The following CES3 variants were observed in gnomAD, a reference collection of about 807,000 sequenced individuals.
The protein encoded by CES3 is carboxylesterase 3 (brain).
In CES3, 49 loss-of-function variants were observed where a neutral mutation model predicts 57.6. The observed-to-expected ratio is 0.85, with a 90% CI of 0.68 to 1.08. The LOEUF (loss-of-function observed/expected upper bound fraction) is 1.08. Ranked by LOEUF, CES3 falls within the 50% of genes least tolerant of loss-of-function variation. The pLI is 0.00. For missense variants in CES3, 645 were observed against 742.0 expected, an observed-to-expected ratio of 0.87 and a Z score of 1.52; for synonymous variants, 266 against 281.6, an observed-to-expected ratio of 0.94 and a Z score of 0.55.
At chr16:66,971,370 G>C (rs1224168902) in intron 10 of CES3, 51 bp downstream of exon 10, 3 of 1,584,640 alleles carry the variant, frequency 1.9e-6, no homozygotes, top group Admixed American at 1.7e-5. Context: ...GGGCCCAGGA[G>C]CTGGGTCATC....
At chr16:66,961,850 C>T (rs2145528042) in intron 1 of CES3, among the ~76,000 whole-genome samples, 1 of 152,250 alleles carries the variant, frequency 6.6e-6, no homozygotes, top group South Asian at 2.1e-4. Context: ...AGGCGTGAGC[C>T]ACCGCACCTG....
chr16:66,971,464 C>A, intron 10 of CES3, 145 bp downstream of exon 10: 1 of 759,616 alleles, frequency 1.3e-6, no homozygotes, highest in Non-Finnish European at 2.1e-6. Flanking sequence ...ACCTATCTTT[C>A]TCTGGGATGC....
chr16:66,973,153 C>A lies in CES3; in HGVS notation c.*104C>A. ...CCCCCTGCTGAGACTTTAATCTCCA[C>A]CAGCCCTTAAAGTGTCGGCCGCTCT... On this transcript the variant is annotated 3_prime_UTR_variant, in exon 13 of 13. Coordinates refer to ENST00000303334, the MANE Select transcript of CES3 (RefSeq NM_024922.6). 1 of 1,049,126 alleles carries A rather than the reference C, an allele frequency of 9.5e-7. No homozygotes were observed. Among genetic ancestry groups the A allele is most frequent in the Non-Finnish European group, 1.4e-6 (1 of 722,276 alleles). 65.0% of individuals were successfully genotyped at this position (1,049,126 alleles called of 1,614,324 possible).
Position 66,963,549 on chromosome 16 carries a change from C to T in CES3, c.346C>T (p.Gln116Ter). 1 of 1,614,198 alleles carries T rather than the reference C, an allele frequency of 6.2e-7. No individual in the cohort carries two copies. Among genetic ancestry groups the T allele is most frequent in the Non-Finnish European group, 8.5e-7 (1 of 1,180,030 alleles). ...CAGATTTGTCCTCAACGGAAAACAG[C>T]AGATCTTCTCCGTTTCAGAGGACTG... ...SSRFVLNGKQQIFSVSEDCLV... is the reference protein window; with the variant it reads ...SSRFVLNGKQ The change falls in exon 3 of 13, where the codon CAG becomes TAG. Residue 116 changes from glutamine (Q) to a stop codon, truncating the protein, a stop_gained. Transcript: ENST00000303334. LOFTEE classifies it high-confidence loss of function. The surrounding 1 kb of genome is among the most constrained non-coding windows in gnomAD (Gnocchi z 4.9).
At position 66,963,781 on chromosome 16, in the gene CES3, G is replaced by T; in HGVS notation, c.427-21G>T. ...AGGTCTCAGGAGCTTGGGGGTCAGTGCCCCATGGCCACCTCTGCAGGTCAT... is the reference window on the plus strand; with the variant it reads ...AGGTCTCAGGAGCTTGGGGGTCAGTTCCCCATGGCCACCTCTGCAGGTCAT... On this transcript the variant is annotated intron_variant, in intron 3 of 12. Transcript: ENST00000303334. The surrounding 1 kb of genome is among the most constrained non-coding windows in gnomAD (Gnocchi z 4.9). 1 of 1,609,604 alleles carries T rather than the reference G, an allele frequency of 6.2e-7. No homozygotes were observed.
rs1234550991 is a variant in CES3 at position 66,972,407 on chromosome 16, T to C, written c.1343T>C (p.Phe448Ser). 1 of 1,613,526 alleles carries C rather than the reference T, an allele frequency of 6.2e-7. No homozygotes were observed. The highest frequency in any genetic ancestry group is 1.3e-5 in the African/African-American group (1 of 74,992). Residue 448 changes from phenylalanine to serine, a missense_variant, in exon 11 of 13, where the codon TTT becomes TCT. Coordinates refer to ENST00000303334, the MANE Select transcript of CES3 (RefSeq NM_024922.6). ...GAGTTCCAGCATCGACCCAGTTCTT[T>C]TGCGAAGATCAAACCTGCCTGGGTG... ...FYEFQHRPSS[F>S]AKIKPAWVKA...
At chr16:66,965,712 T>C (rs562687664) in intron 6 of CES3, among the ~76,000 whole-genome samples, 2 of 152,270 alleles carry the variant, frequency 1.3e-5, no homozygotes, top group African/African-American at 4.8e-5. Context: ...AGGCTGAGGT[T>C]GGCGGATCAC....
chr16:66,964,468 T>C lies in CES3; in HGVS notation c.672T>C (p.Thr224=), dbSNP rs1250611068. Residue 224 remains threonine (T), a synonymous_variant, in exon 5 of 13, where the codon ACT becomes ACC. Transcript: ENST00000303334. ...APFGGDLNCV[T]VFGGSAGGSI... ...TCGGGGGTGACCTCAACTGTGTCAC[T>C]GTCTTTGGTGGATCTGCCGGTGGGA... is the stretch of plus-strand genomic sequence containing the variant. 6.8e-6 allele frequency: 11 copies of C among 1,614,114 alleles called. No homozygotes were observed. Among genetic ancestry groups the C allele is most frequent in the Non-Finnish European group, 7.6e-6 (9 of 1,179,988 alleles).
Position 66,970,438 on chromosome 16 carries a change from A to G in CES3, c.1143+679A>G, listed in dbSNP as rs368559478. Among the ~76,000 whole-genome samples the G allele has an allele frequency of 7.9e-5, 12 of 152,338 alleles. No individual in the cohort carries two copies. In the South Asian group the frequency reaches 1.7e-3, roughly 21 times the overall value. On this transcript the variant is annotated intron_variant, in intron 9 of 12. Coordinates refer to ENST00000303334, the MANE Select transcript of CES3 (RefSeq NM_024922.6). ...AACTCTTTACAGAGGAATTCTCGCT[A>G]GCCCCATTTTACACATGAGGAAACT... is the stretch of plus-strand genomic sequence containing the variant.
chr16:66,972,081 G>T (rs1465981395), intron 10 of CES3, among the ~76,000 whole-genome samples: 1 of 152,126 alleles, frequency 6.6e-6, no homozygotes, highest in African/African-American at 2.4e-5. Flanking sequence ...AGGCTGCAGT[G>T]AGCTGTGATC....
chr16:66,970,504 GTT>G (rs1451138939), intron 9 of CES3, among the ~76,000 whole-genome samples: 2 of 152,242 alleles, frequency 1.3e-5, no homozygotes, highest in African/African-American at 2.4e-5. Context: ...CAGAGGCAGA[GTT>G]TAAGCCAGTT....
chr16:66,972,470 G>A lies in CES3; in HGVS notation c.1406G>A (p.Gly469Glu). The A allele has an allele frequency of 6.2e-7, 1 of 1,613,912 alleles. No homozygotes were observed. Among genetic ancestry groups the A allele is most frequent in the Non-Finnish European group, 8.5e-7 (1 of 1,179,944 alleles). The change falls in exon 11 of 13, where the codon GGA becomes GAA. Residue 469 changes from glycine to glutamate, a missense_variant. By Grantham distance (98) the Gly-to-Glu change is moderately conservative (BLOSUM62 -2). Transcript: ENST00000303334. ...DHGAEGAFVF[G>E]GPFLMDESSR... The stretch of plus-strand genomic sequence containing the variant: ...GGGGCCGAGGGTGCTTTTGTGTTCG[G>A]AGGTCCCTTCCTCATGGACGAGAGC...
At chr16:66,965,865 G>A (rs190544193) in intron 6 of CES3, among the ~76,000 whole-genome samples, 16 of 152,250 alleles carry the variant, frequency 1.1e-4, no homozygotes, top group African/African-American at 3.4e-4. Context: ...GTGTGAACCC[G>A]GGACGCAGAG....
rs772225064 is a variant in CES3, at chr16:66,972,465, G to A, written c.1401G>A (p.Val467=). 1 of 1,613,972 alleles carries A rather than the reference G, an allele frequency of 6.2e-7. No homozygotes were observed. Among genetic ancestry groups the A allele is most frequent in the Admixed American group, 1.7e-5 (1 of 59,966 alleles). ...KADHGAEGAF[V]FGGPFLMDES... ...ATCATGGGGCCGAGGGTGCTTTTGT[G>A]TTCGGAGGTCCCTTCCTCATGGACG... Residue 467 remains valine, a synonymous_variant, in exon 11 of 13, where the codon GTG becomes GTA. Transcript: ENST00000303334.
At chr16:66,967,503 A>G in intron 8 of CES3, 2 of 985,496 alleles carry the variant, frequency 2.0e-6, no homozygotes, top group Non-Finnish European at 2.4e-6. Context: ...GCAATTGACT[A>G]AAACTCTCAG....
In CES3 at chr16:66,970,144, TG is replaced by T. The variant is rs1204448419; in HGVS notation, c.1143+386del. ...TTTTTTTTGAGACAGAGTCTTGCTC[TG>T]TCGCCAAGGCTGGAGTGCAGTGGCC... On this transcript the variant is annotated intron_variant, in intron 9 of 12. Coordinates refer to ENST00000303334, the MANE Select transcript of CES3 (RefSeq NM_024922.6). Among the ~76,000 whole-genome samples, 7 of 150,206 alleles carry T rather than the reference TG, an allele frequency of 4.7e-5. 1 individual carries two copies. In the South Asian group the frequency reaches 1.1e-3, roughly 23 times the overall value.
intron 9 of CES3, 92 bp from the exon 10 acceptor site, chr16:66,971,080 A>G: frequency 7.1e-7 from 1 of 1,414,528 alleles, no homozygotes; most frequent in East Asian, 2.4e-5. Context: ...CTGGGATTTG[A>G]GGGAAGCTAT....
intron 8 of CES3, chr16:66,967,700 T>C (rs1963756389): frequency 1.9e-5 from 19 of 984,044 alleles, no homozygotes; most frequent in Non-Finnish European, 2.2e-5. Context: ...TTTTTTTTTT[T>C]CGTCTTGGCC....
chr16:66,962,981 A>C, intron 1 of CES3, 198 bp from the exon 2 acceptor site: 4 of 706,162 alleles, frequency 5.7e-6, no homozygotes, highest in Non-Finnish European at 1.0e-5. Flanking sequence ...TCTGGCCTGG[A>C]GTGGAGTGGT....
Sources: gnomAD v4.1 joint callset for allele counts (sites outside exome capture counted in the v4.1 genomes callset) on GRCh38, gnomAD v4.1.1 for gene constraint, Gnocchi (gnomAD v3.1) non-coding constraint, MANE v1.5 for transcripts, NCBI Gene and HGNC (gene_info 2026-07-23, HGNC 2026-07-21) for gene names.